MLKL: variants seen among roughly 807,000 people sequenced by gnomAD.
MLKL encodes the protein mixed lineage kinase domain-like protein.
In MLKL, 55 loss-of-function variants were observed where a neutral mutation model predicts 56.5. The ratio of observed to expected loss-of-function variants is 0.97; its 90% CI spans 0.78 to 1.22. The LOEUF (loss-of-function observed/expected upper bound fraction) is 1.22. MLKL is among the 50% of genes most tolerant of loss of function. The pLI is 0.00. For synonymous variants in MLKL, 251 were observed against 208.3 expected, an observed-to-expected ratio of 1.20 and a Z score of -1.76; for missense variants, 694 against 573.9, an observed-to-expected ratio of 1.21 and a Z score of -2.14.
chr16:74,684,535 C>A (rs1320993879), intron 5 of MLKL, among the ~76,000 whole-genome samples: 2 of 150,986 alleles, frequency 1.3e-5, no homozygotes, highest in Non-Finnish European at 2.9e-5. Flanking sequence ...CACTCTGTCA[C>A]CCAGGCTGGA....
chr16:74,689,750 C>T (rs1960556754), intron 4 of MLKL, among the ~76,000 whole-genome samples: 1 of 151,986 alleles, frequency 6.6e-6, no homozygotes, highest in Non-Finnish European at 1.5e-5. Flanking sequence ...TATATAAAAA[C>T]TTAATATACA....
chr16:74,682,128 G>A (rs7199490), intron 6 of MLKL, among the ~76,000 whole-genome samples: 53,317 of 151,586 alleles, frequency 0.35, 9,637 homozygotes, highest in African/African-American at 0.4. Context: ...AGTGGTGTGC[G>A]CCTGTAGTCC....
At chr16:74,694,178 C>T (rs970833548) in intron 2 of MLKL, among the ~76,000 whole-genome samples, 1 of 152,134 alleles carries the variant, frequency 6.6e-6, no homozygotes, top group South Asian at 2.1e-4. Context: ...AATATATATA[C>T]TTAAATCTCC....
At chr16:74,678,105 C>A (rs1959716128) in intron 7 of MLKL, 1 of 152,338 alleles carries the variant, frequency 6.6e-6, no homozygotes, top group African/African-American at 2.4e-5. Context: ...ATGACCCACA[C>A]CCACCTAATG....
intron 10 of MLKL, among the ~76,000 whole-genome samples, chr16:74,674,624 G>GT (rs950611576): frequency 6.6e-6 from 1 of 151,636 alleles, no homozygotes; most frequent in Non-Finnish European, 1.5e-5. Context: ...GCTAATTTTA[G>GT]TAGAGATGAG....
In MLKL at chr16:74,678,008, T is replaced by C. The variant is rs941601418; in HGVS notation, c.1038+891A>G. 11 of 152,374 alleles carry C rather than the reference T, an allele frequency of 7.2e-5. 2 individuals carry two copies. The allele number at this position is 152,374 out of a possible 1,614,324, so 9.4% of individuals were successfully genotyped here. A position where few individuals can be genotyped will look rare whatever the true frequency, so the allele number is the denominator to read the frequency against. ...GCAGCTCTTAAAACAGCAACTCACA[T>C]GTCACTTGCAGAAACACTGGAAGGC... On this transcript the variant is annotated intron_variant, in intron 7 of 10. Transcript: ENST00000308807.
chr16:74,675,248 C>T, intron 9 of MLKL, 107 bp downstream of exon 9: 1 of 1,576,150 alleles, frequency 6.3e-7, no homozygotes, highest in South Asian at 1.1e-5. Flanking sequence ...CAGGCAGTTC[C>T]CACATTAAAC....
At chr16:74,682,573 C>T (rs1960044834) in intron 6 of MLKL, 78 bp downstream of exon 6, 2 of 1,567,966 alleles carry the variant, frequency 1.3e-6, no homozygotes, top group East Asian at 2.3e-5. Flanking sequence ...CTGGCCTGTT[C>T]TCTCACCATC....
intron 4 of MLKL, among the ~76,000 whole-genome samples, chr16:74,687,062 G>A (rs7197388): frequency 0.39 from 59,695 of 151,808 alleles, 12,042 homozygotes; most frequent in Non-Finnish European, 0.42. Context: ...TGCAACCTCT[G>A]CCTCCTGGGT....
At chr16:74,675,151 T>C (rs775796429) in intron 9 of MLKL, 51 bp from the exon 10 acceptor site, 1 of 1,604,124 alleles carries the variant, frequency 6.2e-7, no homozygotes, top group Non-Finnish European at 8.5e-7. Context: ...TACTCGTACA[T>C]CTCTCTGGAT....
chr16:74,695,396 C>G lies in MLKL; in HGVS notation c.362G>C (p.Arg121Pro). The G allele has an allele frequency of 1.2e-6, 2 of 1,614,202 alleles. No individual in the cohort carries two copies. The highest frequency in any genetic ancestry group is 1.7e-6 in the Non-Finnish European group (2 of 1,180,034). Residue 121 changes from arginine to proline, a missense_variant, in exon 2 of 11, where the codon CGC becomes CCC. Arg to Pro is a moderately radical substitution (Grantham distance 103). Coordinates refer to ENST00000308807, the MANE Select transcript of MLKL (RefSeq NM_152649.4). ...ELSLLLQVEQ[R>P]MPVSPISQGA... ...TTGGCTTATGGGTGAAACAGGCATG[C>G]GTTGCTCAACCTGAAGTAACAGCGA...
At chr16:74,693,027 T>C (rs987888992) in intron 2 of MLKL, among the ~76,000 whole-genome samples, 3 of 152,290 alleles carry the variant, frequency 2.0e-5, no homozygotes, top group African/African-American at 7.2e-5. Context: ...GGGAAAAGTA[T>C]AGAGAAGCAG....
At position 74,699,554 on chromosome 16, in the gene MLKL, A is replaced by C. The variant is rs1326229725; in HGVS notation, c.-3+899T>G. Reference sequence around the variant, plus strand: ...GGGCAATTTGAATTTCTAGGAACTTATGATGTAGAAAAGCTTGTGTTTGTA... The same window carrying C: ...GGGCAATTTGAATTTCTAGGAACTTCTGATGTAGAAAAGCTTGTGTTTGTA... On this transcript the variant is annotated intron_variant, in intron 1 of 10. Transcript: ENST00000308807. Among the ~76,000 whole-genome samples, 6 of 152,338 alleles carry C rather than the reference A, an allele frequency of 3.9e-5. No individual in the cohort carries two copies. The South Asian group carries it at 1.2e-3, about 32-fold the overall frequency.
chr16:74,678,559 G>A (rs575690122), intron 7 of MLKL: 15 of 217,020 alleles, frequency 6.9e-5, no homozygotes, highest in South Asian at 1.4e-4. Flanking sequence ...CCAGGTGGGC[G>A]GATCACTTGA....
At chr16:74,684,383 A>G (rs1195124429) in intron 5 of MLKL, among the ~76,000 whole-genome samples, 2 of 144,052 alleles carry the variant, frequency 1.4e-5, no homozygotes, top group East Asian at 2.2e-4. Flanking sequence ...CATGACCAGC[A>G]GGAGGGGTCA....
intron 2 of MLKL, 151 bp downstream of exon 2, chr16:74,695,147 C>G: frequency 1.3e-6 from 1 of 796,030 alleles, no homozygotes; most frequent in South Asian, 1.8e-5. Context: ...GCTGGGATTA[C>G]AGGCGAGAGC....
intron 6 of MLKL, among the ~76,000 whole-genome samples, chr16:74,680,487 G>GT (rs931902683): frequency 6.6e-6 from 1 of 150,910 alleles, no homozygotes; most frequent in Admixed American, 6.6e-5. Context: ...TTTTTTTTTT[G>GT]TTTTTTTGTT....
intron 5 of MLKL, among the ~76,000 whole-genome samples, chr16:74,683,171 T>A (rs565656713): frequency 2.0e-5 from 3 of 151,628 alleles, no homozygotes; most frequent in Admixed American, 2.0e-4. Context: ...TAGCTGGGTG[T>A]GGTGGCAGGT....
rs1291032554 is a variant in MLKL, at chr16:74,695,306, A to T, written c.452T>A (p.Leu151Gln). ...ADEDRRAFQM[L>Q]RRDNEKIEAS... The stretch of plus-strand genomic sequence containing the variant: ...CCAAAGACCCAGCTTGCCTCTTCTT[A>T]GCATCTGGAAAGCTCGCCTGTCTTC... The change falls in exon 2 of 11, where the codon CTA (leucine) becomes CAA (glutamine). Residue 151 changes from leucine (L) to glutamine (Q), a missense_variant. Coordinates refer to ENST00000308807, the MANE Select transcript of MLKL (RefSeq NM_152649.4). The T allele has an allele frequency of 6.2e-7, 1 of 1,613,260 alleles. No individual in the cohort carries two copies. The highest frequency in any genetic ancestry group is 1.1e-5 in the South Asian group (1 of 91,082).
Sources: gnomAD v4.1 joint callset for allele counts (sites outside exome capture counted in the v4.1 genomes callset) on GRCh38, gnomAD v4.1.1 for gene constraint, MANE v1.5 for transcripts, NCBI Gene and HGNC (gene_info 2026-07-23, HGNC 2026-07-21) for gene names.